SDHAF3: variants seen among roughly 807,000 people sequenced by gnomAD.
SDHAF3 encodes succinate dehydrogenase complex assembly factor 3, also known as succinate dehydrogenase assembly factor 3, mitochondrial.
Under a neutral mutation model 11.5 loss-of-function variants are expected in SDHAF3, and 18 were observed. The ratio of observed to expected loss-of-function variants is 1.56; its 90% CI spans 1.08 to 2.32. The LOEUF (loss-of-function observed/expected upper bound fraction) is 2.32, where lower values mean the gene tolerates loss of function less well. SDHAF3 is among the 30% of genes most tolerant of loss of function. SDHAF3 has a pLI of 0.00. For synonymous variants in SDHAF3, 72 were observed against 59.3 expected (o/e 1.21, Z -0.99); for missense variants, 200 against 154.4 (o/e 1.30, Z -1.57).
intron 1 of SDHAF3, among the ~76,000 whole-genome samples, chr7:97,130,625 G>A (rs368738252): frequency 5.7e-4 from 87 of 152,324 alleles, no homozygotes; most frequent in East Asian, 5.4e-3. Context: ...ACGTGTGGCC[G>A]CAGCCCTGTG....
At chr7:97,135,464 C>G (rs1791738299) in intron 1 of SDHAF3, 1 of 151,982 alleles carries the variant, frequency 6.6e-6, no homozygotes, top group South Asian at 2.1e-4. Context: ...ATGGGGATCT[C>G]TGGATTTTTC....
chr7:97,119,418 A>T (rs1365645869), intron 1 of SDHAF3, among the ~76,000 whole-genome samples: 1 of 152,216 alleles, frequency 6.6e-6, no homozygotes, highest in South Asian at 2.1e-4. Flanking sequence ...TAAATAAAAA[A>T]TGTGTTAGTT....
At chr7:97,137,197 G>C (rs1788940608) in intron 1 of SDHAF3, among the ~76,000 whole-genome samples, 1 of 152,026 alleles carries the variant, frequency 6.6e-6, no homozygotes, top group African/African-American at 2.4e-5. Context: ...AGTCAAAGGA[G>C]AACCCTTTCA....
At chr7:97,137,911 C>T (rs545208088) in intron 1 of SDHAF3, among the ~76,000 whole-genome samples, 243 of 70,720 alleles carry the variant, frequency 3.4e-3, no homozygotes, top group African/African-American at 0.013. Context: ...TTTGTTTTGT[C>T]GCCCAGGCTG....
At chr7:97,178,749 A>G (rs1356709096) in intron 1 of SDHAF3, among the ~76,000 whole-genome samples, 1 of 151,972 alleles carries the variant, frequency 6.6e-6, no homozygotes, top group African/African-American at 2.4e-5. Context: ...TGGATAATAA[A>G]CCCTTTTCAG....
rs1204854851 is a variant in SDHAF3 at position 97,181,279 on chromosome 7, T to C, written c.*64T>C. ...GAACCCCTACTTTAACTGTCATTGG[T>C]TTTTGAAATATATTTAAGCTTTGAA... On this transcript the variant is annotated 3_prime_UTR_variant, in exon 2 of 2. Transcript: ENST00000432641. 8.1e-7 allele frequency: 1 copy of C among 1,240,604 alleles called. No homozygotes were observed. Among genetic ancestry groups the C allele is most frequent in the African/African-American group, 1.5e-5 (1 of 65,468 alleles). 76.8% of individuals were successfully genotyped at this position (1,240,604 alleles called of 1,614,324 possible). A position where few individuals can be genotyped will look rare whatever the true frequency, so the allele number is the denominator to read the frequency against.
chr7:97,176,417 T>C (rs1789680491), intron 1 of SDHAF3, among the ~76,000 whole-genome samples: 1 of 152,220 alleles, frequency 6.6e-6, no homozygotes, highest in South Asian at 2.1e-4. Flanking sequence ...TTAGTTAATG[T>C]GTAGTGTAGT....
chr7:97,156,129 C>T (rs1019167729), intron 1 of SDHAF3, among the ~76,000 whole-genome samples: 1 of 152,128 alleles, frequency 6.6e-6, no homozygotes, highest in African/African-American at 2.4e-5. Flanking sequence ...TCCAGGATTC[C>T]ACCCAGGAGA....
chr7:97,157,913 A>G (rs1307213174), intron 1 of SDHAF3, among the ~76,000 whole-genome samples: 8 of 146,008 alleles, frequency 5.5e-5, no homozygotes, highest in African/African-American at 1.3e-4. Flanking sequence ...GAATTGAACA[A>G]TGAGAACACA....
chr7:97,177,686 A>G (rs1295953582), intron 1 of SDHAF3, among the ~76,000 whole-genome samples: 1 of 152,138 alleles, frequency 6.6e-6, no homozygotes, highest in African/African-American at 2.4e-5. Flanking sequence ...TGTATTTTCA[A>G]GTTCATGAAT....
intron 1 of SDHAF3, among the ~76,000 whole-genome samples, chr7:97,119,228 C>A (rs913399958): frequency 2.0e-4 from 30 of 151,982 alleles, no homozygotes; most frequent in African/African-American, 7.3e-4. Flanking sequence ...TATGGTAGGT[C>A]ATTTTGTGGC....
rs569931009 is a variant in SDHAF3, at chr7:97,161,582, T to G, written c.175-19430T>G. On this transcript the variant is annotated intron_variant, in intron 1 of 1. Transcript: ENST00000432641. ...ATTTCTCCTAATGCTATCCCTCCCCTAGCCCCCCTCACCCTCTGACAGGCC... is the reference window on the plus strand; with the variant it reads ...ATTTCTCCTAATGCTATCCCTCCCCGAGCCCCCCTCACCCTCTGACAGGCC... 1.6e-4 allele frequency among the ~76,000 whole-genome samples: 25 copies of G among 152,238 alleles called. No homozygotes were observed. In the South Asian group the frequency reaches 5.0e-3, roughly 30 times the overall value.
chr7:97,134,677 C>T (rs140306610), intron 1 of SDHAF3, among the ~76,000 whole-genome samples: 3,804 of 152,272 alleles, frequency 0.025, 149 homozygotes, highest in African/African-American at 0.087. Context: ...GAACTCCTGA[C>T]CTCAGATGAC....
chr7:97,140,504 G>A (rs777594217), intron 1 of SDHAF3, among the ~76,000 whole-genome samples: 3 of 151,830 alleles, frequency 2.0e-5, no homozygotes, highest in South Asian at 2.1e-4. Flanking sequence ...AGGAAGTCAG[G>A]GACCCCGAAT....
chr7:97,173,567 A>G (rs1407157033), intron 1 of SDHAF3, among the ~76,000 whole-genome samples: 3 of 15,824 alleles, frequency 1.9e-4, no homozygotes, highest in African/African-American at 5.0e-4. Context: ...TTTTTTTGAG[A>G]TGAGAGTCTC....
At chr7:97,178,151 T>C (rs1423580853) in intron 1 of SDHAF3, among the ~76,000 whole-genome samples, 5 of 152,262 alleles carry the variant, frequency 3.3e-5, no homozygotes, top group Non-Finnish European at 7.3e-5. Context: ...AGTGGAATCA[T>C]ACAATATGTC....
intron 1 of SDHAF3, among the ~76,000 whole-genome samples, chr7:97,118,702 T>C (rs1221781246): frequency 6.6e-6 from 1 of 152,118 alleles, no homozygotes; most frequent in African/African-American, 2.4e-5. Context: ...TTTGAAAGCA[T>C]GAGTTGGAGC....
At chr7:97,176,306 A>G (rs969208639) in intron 1 of SDHAF3, among the ~76,000 whole-genome samples, 1 of 152,192 alleles carries the variant, frequency 6.6e-6, no homozygotes, top group Non-Finnish European at 1.5e-5. Flanking sequence ...AGCACTGCAC[A>G]TTCTCTTTGG....
At chr7:97,141,187 G>A (rs1452896886) in intron 1 of SDHAF3, among the ~76,000 whole-genome samples, 2 of 152,064 alleles carry the variant, frequency 1.3e-5, no homozygotes, top group East Asian at 3.9e-4. Flanking sequence ...CTCAAACACT[G>A]TCTCCTGATA....
Sources: gnomAD v4.1 joint callset for allele counts (sites outside exome capture counted in the v4.1 genomes callset) on GRCh38, gnomAD v4.1.1 for gene constraint, MANE v1.5 for transcripts, NCBI Gene and HGNC (gene_info 2026-07-23, HGNC 2026-07-21) for gene names.